PRKCH: variants seen among roughly 807,000 people sequenced by gnomAD.
The protein encoded by PRKCH is protein kinase C eta type.
A neutral mutation model predicts 82.5 loss-of-function variants in PRKCH; 28 were observed. That is an observed-to-expected ratio of 0.34 (90% CI 0.25 to 0.47). PRKCH has a LOEUF of 0.47. Among genes scored for constraint, PRKCH ranks in the 20% least tolerant of loss-of-function variants. The pLI, the probability that PRKCH is intolerant of heterozygous loss-of-function variation, is 1.00. For missense variants in PRKCH, 705 were observed against 881.8 expected, an observed-to-expected ratio of 0.80 and a Z score of 2.54; for synonymous variants, 322 against 327.4, an observed-to-expected ratio of 0.98 and a Z score of 0.18.
chr14:61,241,264 C>T (rs2044834613), intron 1 of PRKCH, among the ~76,000 whole-genome samples: 1 of 152,160 alleles, frequency 6.6e-6, no homozygotes, highest in African/African-American at 2.4e-5. Context: ...TCTCTGGGTG[C>T]ACCACCTTCC....
At chr14:61,248,601 C>T (rs1165430945) in intron 1 of PRKCH, among the ~76,000 whole-genome samples, 1 of 152,168 alleles carries the variant, frequency 6.6e-6, no homozygotes, top group East Asian at 1.9e-4. Context: ...TTCAGAAATT[C>T]CAACTCCTCT....
At chr14:61,524,505 G>A (rs896531368) in intron 10 of PRKCH, among the ~76,000 whole-genome samples, 2 of 152,154 alleles carry the variant, frequency 1.3e-5, no homozygotes, top group Admixed American at 6.5e-5. Flanking sequence ...TCATTGTGTA[G>A]CCTTGTTAAG....
Position 61,391,222 on chromosome 14 carries a change from T to G in PRKCH, c.364-3T>G. ...TAATATACATTTTTTTTTCTCTTTG[T>G]AGGTGGATCTCGAGCCAGAGGGGAA... On this transcript the variant is annotated splice_region_variant and splice_polypyrimidine_tract_variant and intron_variant, in intron 1 of 13. Coordinates refer to ENST00000332981, the MANE Select transcript of PRKCH (RefSeq NM_006255.5). 1 of 1,607,786 alleles carries G rather than the reference T, an allele frequency of 6.2e-7. No homozygotes were observed. Among genetic ancestry groups the G allele is most frequent in the Non-Finnish European group, 8.5e-7 (1 of 1,176,738 alleles).
chr14:61,461,870 T>A (rs539094525), intron 9 of PRKCH, among the ~76,000 whole-genome samples: 2 of 152,236 alleles, frequency 1.3e-5, no homozygotes, highest in Admixed American at 1.3e-4. Flanking sequence ...TCCCAGTGTT[T>A]AGTGGGTGAA....
intron 1 of PRKCH, among the ~76,000 whole-genome samples, chr14:61,269,272 T>C (rs989560129): frequency 1.3e-5 from 2 of 152,204 alleles, no homozygotes; most frequent in Non-Finnish European, 2.9e-5. Context: ...TTTTGATCAC[T>C]TAATCATAAT....
At chr14:61,363,641 G>A (rs1422223218) in intron 1 of PRKCH, among the ~76,000 whole-genome samples, 1 of 152,102 alleles carries the variant, frequency 6.6e-6, no homozygotes, top group Non-Finnish European at 1.5e-5. Context: ...TGAGTCTGAC[G>A]CTCTGGGAAG....
At chr14:61,510,020 A>G (rs962682612) in intron 10 of PRKCH, among the ~76,000 whole-genome samples, 3 of 152,180 alleles carry the variant, frequency 2.0e-5, no homozygotes, top group East Asian at 1.9e-4. Flanking sequence ...TTCCATTAAC[A>G]GTGAAACAGG....
intron 10 of PRKCH, among the ~76,000 whole-genome samples, chr14:61,503,473 C>T (rs1478682560): frequency 6.6e-6 from 1 of 152,138 alleles, no homozygotes; most frequent in African/African-American, 2.4e-5. Flanking sequence ...TACTAAGCCA[C>T]GCTCAACAGA....
chr14:61,237,320 G>T (rs184786435), intron 1 of PRKCH, among the ~76,000 whole-genome samples: 53 of 150,338 alleles, frequency 3.5e-4, no homozygotes, highest in African/African-American at 1.2e-3. Flanking sequence ...GGCCCTAAAA[G>T]AAATTGAAGT....
Position 61,453,220 on chromosome 14 carries a change from C to T in PRKCH, c.833-6C>T. ...AACATGGATTCTGTTTTCCTTTTCC[C>T]TCTAGTATGTAAAATGAATGTGCAT... On this transcript the variant is annotated splice_polypyrimidine_tract_variant and splice_region_variant and intron_variant, in intron 6 of 13. Transcript: ENST00000332981. 1 of 1,614,098 alleles carries T rather than the reference C, an allele frequency of 6.2e-7. No individual in the cohort carries two copies. Among genetic ancestry groups the T allele is most frequent in the African/African-American group, 1.3e-5 (1 of 75,036 alleles).
chr14:61,515,805 T>TTGA (rs1370162794), intron 10 of PRKCH, among the ~76,000 whole-genome samples: 1 of 152,216 alleles, frequency 6.6e-6, no homozygotes, highest in Non-Finnish European at 1.5e-5. Flanking sequence ...TTTATCAGTG[T>TTGA]TGATTCTTAT....
At chr14:61,267,306 T>C (rs909964119) in intron 1 of PRKCH, among the ~76,000 whole-genome samples, 1 of 152,172 alleles carries the variant, frequency 6.6e-6, no homozygotes. Context: ...GATGTAATGC[T>C]CGGAGCCTTG....
At chr14:61,538,639 T>G (rs939140363) in intron 12 of PRKCH, among the ~76,000 whole-genome samples, 3 of 152,228 alleles carry the variant, frequency 2.0e-5, no homozygotes, top group Non-Finnish European at 4.4e-5. Context: ...TTTTGTAAAA[T>G]GACCACGGAA....
intron 1 of PRKCH, among the ~76,000 whole-genome samples, chr14:61,272,706 G>A (rs2045168874): frequency 1.3e-5 from 2 of 152,182 alleles, no homozygotes; most frequent in South Asian, 4.1e-4. Flanking sequence ...AAAATGGTCT[G>A]TACCCTTGCT....
chr14:61,356,464 A>C (rs2046151717), intron 1 of PRKCH, among the ~76,000 whole-genome samples: 1 of 152,140 alleles, frequency 6.6e-6, no homozygotes, highest in Admixed American at 6.6e-5. Context: ...GTGAAATCTG[A>C]GAGCCAACAG....
chr14:61,522,409 G>C (rs2042918221), intron 10 of PRKCH, among the ~76,000 whole-genome samples: 1 of 152,074 alleles, frequency 6.6e-6, no homozygotes, highest in Non-Finnish European at 1.5e-5. Flanking sequence ...ACTGGCCCCT[G>C]CCTCATCTGG....
chr14:61,272,138 G>A (rs1359377913), intron 1 of PRKCH, among the ~76,000 whole-genome samples: 1 of 151,718 alleles, frequency 6.6e-6, no homozygotes, highest in Non-Finnish European at 1.5e-5. Context: ...TGAGGCAGGA[G>A]AATGGCGTGA....
intron 1 of PRKCH, among the ~76,000 whole-genome samples, chr14:61,220,788 A>G (rs2140052401): frequency 6.6e-6 from 1 of 152,254 alleles, no homozygotes; most frequent in African/African-American, 2.4e-5. Flanking sequence ...TGATAAGAGA[A>G]AAGGGGGAAA....
At chr14:61,547,038 G>A (rs773063488) in intron 12 of PRKCH, among the ~76,000 whole-genome samples, 6 of 152,232 alleles carry the variant, frequency 3.9e-5, no homozygotes, top group Non-Finnish European at 5.9e-5. Flanking sequence ...TCGCTTAGCT[G>A]TGTGGCAGCG....
Sources: allele counts gnomAD v4.1 joint callset (sites outside exome capture counted in the v4.1 genomes callset), GRCh38; gene constraint gnomAD v4.1.1; transcripts MANE v1.5; gene names NCBI Gene and HGNC (gene_info 2026-07-23, HGNC 2026-07-21).